MEIS1: variants seen among roughly 807,000 people sequenced by gnomAD.
The protein encoded by MEIS1 is Meis homeobox 1.
A neutral mutation model predicts 50.8 loss-of-function variants in MEIS1; 5 were observed. The ratio of observed to expected loss-of-function variants is 0.10; its 90% CI spans 0.05 to 0.21. The LOEUF (loss-of-function observed/expected upper bound fraction) is 0.21, where lower values mean the gene tolerates loss of function less well. Among genes scored for constraint, MEIS1 ranks in the 10% least tolerant of loss-of-function variants. The pLI, the probability that MEIS1 is intolerant of heterozygous loss-of-function variation, is 1.00. For missense variants in MEIS1, 318 were observed against 517.3 expected (o/e 0.61, Z 3.74); for synonymous variants, 176 against 179.3 (o/e 0.98, Z 0.15).
In MEIS1 at chr2:66,572,178, TAAG is replaced by T. The variant is rs1184311701; in HGVS notation, c.*971_*973del. On this transcript the variant is annotated 3_prime_UTR_variant, in exon 13 of 13. Transcript: ENST00000272369. Reference sequence around the variant, plus strand: ...TAATCAGCTGTTGCAGGCAGTGTCTTAAGGAGACTGGTAGGAGGAGGCATGGAA... The same window carrying T: ...TAATCAGCTGTTGCAGGCAGTGTCTTGAGACTGGTAGGAGGAGGCATGGAA... 6.6e-6 allele frequency: 1 copy of T among 152,466 alleles called. No homozygotes were observed. The highest frequency in any genetic ancestry group is 1.5e-5 in the Non-Finnish European group (1 of 68,266). The allele number at this position is 152,466 out of a possible 1,614,324, so 9.4% of individuals were successfully genotyped here.
chr2:66,472,148 C>T (rs1422704385), intron 7 of MEIS1, among the ~76,000 whole-genome samples: 2 of 152,216 alleles, frequency 1.3e-5, no homozygotes, highest in Non-Finnish European at 2.9e-5. Flanking sequence ...AGGGCCACCA[C>T]ACACAGCCTG....
intron 7 of MEIS1, among the ~76,000 whole-genome samples, chr2:66,482,758 T>C (rs1673047834): frequency 6.6e-6 from 1 of 152,200 alleles, no homozygotes; most frequent in African/African-American, 2.4e-5. Context: ...ACCCCTGAAT[T>C]GAGAACTGTC....
In MEIS1 at chr2:66,572,936, C is replaced by T. The variant is rs549709571; in HGVS notation, c.*1728C>T. 3 of 152,214 alleles carry T rather than the reference C, an allele frequency of 2.0e-5. No homozygotes were observed. The highest frequency in any genetic ancestry group is 7.2e-5 in the African/African-American group (3 of 41,538). 9.4% of individuals were successfully genotyped at this position (152,214 alleles called of 1,614,324 possible). On this transcript the variant is annotated 3_prime_UTR_variant, in exon 13 of 13. Coordinates refer to ENST00000272369, the MANE Select transcript of MEIS1 (RefSeq NM_002398.3). The stretch of plus-strand genomic sequence containing the variant: ...TTTCTTTAAGCTGACTTAATGAACT[C>T]CTAATATCAGCAAATTTGAGGCCTA...
chr2:66,478,648 A>T (rs1415857766), intron 7 of MEIS1, among the ~76,000 whole-genome samples: 1 of 152,196 alleles, frequency 6.6e-6, no homozygotes, highest in East Asian at 1.9e-4. Context: ...AGCACTTTTC[A>T]AGTTCAAATG....
chr2:66,569,006 T>G (rs765739289), intron 11 of MEIS1, 44 bp from the exon 12 acceptor site: 1 of 1,565,230 alleles, frequency 6.4e-7, no homozygotes, highest in South Asian at 1.1e-5. Context: ...CTGTTGACTT[T>G]GCTCATTTTC....
intron 7 of MEIS1, among the ~76,000 whole-genome samples, chr2:66,488,742 G>C (rs1264628630): frequency 6.6e-6 from 1 of 152,114 alleles, no homozygotes; most frequent in East Asian, 1.9e-4. Context: ...TATTATCTTG[G>C]ATTTAATCTG....
chr2:66,527,519 G>A (rs1375064613), intron 8 of MEIS1, among the ~76,000 whole-genome samples: 1 of 151,860 alleles, frequency 6.6e-6, no homozygotes, highest in East Asian at 1.9e-4. Flanking sequence ...CCAGAGCTGG[G>A]GGCCCCTGTG....
At chr2:66,518,171 C>T (rs1674016587) in intron 8 of MEIS1, among the ~76,000 whole-genome samples, 1 of 152,288 alleles carries the variant, frequency 6.6e-6, no homozygotes, top group East Asian at 1.9e-4. Flanking sequence ...CAATCGAAAG[C>T]AAAATCAAAA....
At chr2:66,567,564 A>C in intron 10 of MEIS1, 53 bp downstream of exon 10, 154 of 1,568,950 alleles carry the variant, frequency 9.8e-5, no homozygotes, top group Non-Finnish European at 1.3e-4. Flanking sequence ...AACCATCCTC[A>C]AGCCATTCAC....
chr2:66,532,930 A>C (rs529388949), intron 8 of MEIS1, among the ~76,000 whole-genome samples: 47 of 152,360 alleles, frequency 3.1e-4, no homozygotes, highest in African/African-American at 1.1e-3. Flanking sequence ...AGAACTAAAA[A>C]AGAAGACAGT....
intron 6 of MEIS1, chr2:66,454,937 G>A (rs1672355148): frequency 6.6e-6 from 1 of 152,100 alleles, no homozygotes; most frequent in Non-Finnish European, 1.5e-5. Context: ...TGGAAATATA[G>A]TGGTATCAGT....
chr2:66,488,657 G>A (rs778493194), intron 7 of MEIS1, among the ~76,000 whole-genome samples: 2 of 152,254 alleles, frequency 1.3e-5, no homozygotes, highest in Admixed American at 6.5e-5. Flanking sequence ...CAGCCTAGGC[G>A]ACAAAGCGAG....
chr2:66,491,152 A>G (rs1027826805), intron 7 of MEIS1, among the ~76,000 whole-genome samples: 4 of 152,208 alleles, frequency 2.6e-5, no homozygotes, highest in Admixed American at 6.5e-5. Context: ...CAAAGCACAC[A>G]CTGCTGGGTA....
chr2:66,487,646 T>C (rs1673175226), intron 7 of MEIS1, among the ~76,000 whole-genome samples: 1 of 152,220 alleles, frequency 6.6e-6, no homozygotes, highest in South Asian at 2.1e-4. Flanking sequence ...TGAGTGTCCT[T>C]CTAAGAGGAC....
At chr2:66,440,383 A>C in intron 3 of MEIS1, 179 bp from the exon 4 acceptor site, 1 of 646,642 alleles carries the variant, frequency 1.5e-6, no homozygotes, top group South Asian at 1.9e-5. Context: ...AGCTTATTTA[A>C]TTCACACTGA....
chr2:66,481,916 G>A (rs545144057), intron 7 of MEIS1, among the ~76,000 whole-genome samples: 18 of 144,372 alleles, frequency 1.2e-4, no homozygotes, highest in African/African-American at 2.3e-4. Flanking sequence ...GTGCGGTGGC[G>A]TGATCTCGGC....
At chr2:66,486,165 CTT>C (rs993233449) in intron 7 of MEIS1, among the ~76,000 whole-genome samples, 2 of 152,182 alleles carry the variant, frequency 1.3e-5, no homozygotes, top group African/African-American at 4.8e-5. Flanking sequence ...GTCAGAAACT[CTT>C]TGCCCATGCC....
At chr2:66,464,018 C>A in intron 6 of MEIS1, 91 bp from the exon 7 acceptor site, 1 of 870,790 alleles carries the variant, frequency 1.1e-6, no homozygotes, top group Non-Finnish European at 1.9e-6. Flanking sequence ...TGTGCTCCAG[C>A]CCTCCATGGC....
intron 7 of MEIS1, among the ~76,000 whole-genome samples, chr2:66,508,096 T>C (rs1039504639): frequency 2.0e-5 from 3 of 152,234 alleles, no homozygotes; most frequent in Non-Finnish European, 1.5e-5. Context: ...CAGTTTGACA[T>C]ATAGTGCATG....
Sources: gnomAD v4.1 joint callset for allele counts (sites outside exome capture counted in the v4.1 genomes callset) on GRCh38, gnomAD v4.1.1 for gene constraint, MANE v1.5 for transcripts, NCBI Gene and HGNC (gene_info 2026-07-23, HGNC 2026-07-21) for gene names.